CARMIL1: variants seen among roughly 807,000 people sequenced by gnomAD.
The protein encoded by CARMIL1 is capping protein regulator and myosin 1 linker 1.
Under a neutral mutation model 177.1 loss-of-function variants are expected in CARMIL1, and 90 were observed. The ratio of observed to expected loss-of-function variants is 0.51; its 90% CI spans 0.43 to 0.61. The LOEUF (loss-of-function observed/expected upper bound fraction) is 0.61, where lower values mean the gene tolerates loss of function less well. Ranked by LOEUF, CARMIL1 falls within the 20% of genes least tolerant of loss-of-function variation. The pLI, the probability that CARMIL1 is intolerant of heterozygous loss-of-function variation, is 0.00. For synonymous variants in CARMIL1, 577 were observed against 606.2 expected, an observed-to-expected ratio of 0.95 and a Z score of 0.71; for missense variants, 1,380 against 1,667.0, an observed-to-expected ratio of 0.83 and a Z score of 3.00.
chr6:25,581,318 G>T lies in CARMIL1; in HGVS notation c.2885G>T (p.Arg962Ile). ...GAAGACCCGCCCTTCCCATCCCTCA[G>T]ACAGGAGAAGCGGAGCTCGGGATTT... ...HIEDPPFPSLRQEKRSSGFIS... is the reference protein window; with the variant it reads ...HIEDPPFPSLIQEKRSSGFIS... The change falls in exon 31 of 37, where the codon AGA becomes ATA. Residue 962 changes from arginine to isoleucine, a missense_variant. By Grantham distance (97) the Arg-to-Ile change is moderately conservative (BLOSUM62 -3). Coordinates refer to ENST00000329474, the MANE Select transcript of CARMIL1 (RefSeq NM_017640.6). The T allele has an allele frequency of 6.2e-7, 1 of 1,613,878 alleles. No individual in the cohort carries two copies. The highest frequency in any genetic ancestry group is 8.5e-7 in the Non-Finnish European group (1 of 1,179,854).
At chr6:25,445,225 G>A (rs942737714) in intron 5 of CARMIL1, among the ~76,000 whole-genome samples, 3 of 152,082 alleles carry the variant, frequency 2.0e-5, no homozygotes, top group African/African-American at 4.8e-5. Context: ...AAGTTTTTTC[G>A]TGGATTACAA....
At chr6:25,481,047 G>A (rs1368447435) in intron 11 of CARMIL1, among the ~76,000 whole-genome samples, 1 of 150,528 alleles carries the variant, frequency 6.6e-6, no homozygotes, top group Non-Finnish European at 1.5e-5. Context: ...GATTAATCAA[G>A]TTTTAACAGT....
intron 15 of CARMIL1, among the ~76,000 whole-genome samples, chr6:25,492,981 T>C (rs1364266729): frequency 6.6e-6 from 1 of 152,170 alleles, no homozygotes; most frequent in Admixed American, 6.5e-5. Context: ...GTGGGAAAAG[T>C]TGAATTTTCC....
intron 2 of CARMIL1, among the ~76,000 whole-genome samples, chr6:25,375,983 T>C (rs187426404): frequency 1.4e-3 from 211 of 152,346 alleles, no homozygotes; most frequent in African/African-American, 4.9e-3. Context: ...CTTTATCTGG[T>C]ATTTCAAAGA....
chr6:25,327,017 T>A (rs964485191), intron 2 of CARMIL1, among the ~76,000 whole-genome samples: 2 of 152,128 alleles, frequency 1.3e-5, no homozygotes, highest in African/African-American at 4.8e-5. Flanking sequence ...AGATGTTGGC[T>A]GTTGATGGCA....
chr6:25,372,985 C>T (rs578185858), intron 2 of CARMIL1, among the ~76,000 whole-genome samples: 28 of 152,234 alleles, frequency 1.8e-4, no homozygotes, highest in Admixed American at 1.2e-3. Flanking sequence ...GCTTTTTCTG[C>T]ATCTATTAAG....
chr6:25,459,266 C>CTTTCTTTCTTTCTTTCTTCTTT, intron 8 of CARMIL1, among the ~76,000 whole-genome samples: 1 of 73,754 alleles, frequency 1.4e-5, no homozygotes, highest in Non-Finnish European at 2.9e-5. Context: ...TTCTTTCTTT[C>CTTTCTTTCTTTCTTTCTTCTTT]TTTTTTTTTT....
chr6:25,335,699 G>A (rs910024970), intron 2 of CARMIL1, among the ~76,000 whole-genome samples: 2 of 152,208 alleles, frequency 1.3e-5, no homozygotes, highest in Non-Finnish European at 2.9e-5. Flanking sequence ...TTCAGAGAAC[G>A]CAGCACCTGA....
At chr6:25,579,646 C>T (rs1812946751) in intron 29 of CARMIL1, among the ~76,000 whole-genome samples, 1 of 152,178 alleles carries the variant, frequency 6.6e-6, no homozygotes, top group Non-Finnish European at 1.5e-5. Context: ...AGCTTTTCCT[C>T]AGTTTGTCTG....
chr6:25,533,536 G>A (rs1245272474), intron 24 of CARMIL1, among the ~76,000 whole-genome samples: 2 of 151,828 alleles, frequency 1.3e-5, no homozygotes, highest in Middle Eastern at 3.2e-3. Flanking sequence ...GTTTTTTTTG[G>A]CTGTTATTTT....
At chr6:25,505,940 G>A (rs1278903318) in intron 17 of CARMIL1, among the ~76,000 whole-genome samples, 2 of 152,156 alleles carry the variant, frequency 1.3e-5, no homozygotes, top group Non-Finnish European at 2.9e-5. Flanking sequence ...GCCTGGGTGT[G>A]GGAGTTAGTT....
In CARMIL1 at chr6:25,577,401, T is replaced by G. The variant is rs1812696660; in HGVS notation, c.2743-3523T>G. ...TAGAAAATCGACATTATGATTTGCT[T>G]CTTATATTAGGAGAACTTTCCTAAT... On this transcript the variant is annotated intron_variant, in intron 29 of 36. Coordinates refer to ENST00000329474, the MANE Select transcript of CARMIL1 (RefSeq NM_017640.6). The surrounding 1 kb of genome is among the most constrained non-coding windows in gnomAD (Gnocchi z 4.5). Among the ~76,000 whole-genome samples the G allele has an allele frequency of 6.6e-6, 1 of 152,138 alleles. No homozygotes were observed. Among genetic ancestry groups the G allele is most frequent in the Non-Finnish European group, 1.5e-5 (1 of 68,012 alleles).
At chr6:25,308,868 C>T (rs1282001054) in intron 2 of CARMIL1, among the ~76,000 whole-genome samples, 2 of 152,168 alleles carry the variant, frequency 1.3e-5, no homozygotes, top group Admixed American at 6.5e-5. Flanking sequence ...GGAAGCTTTA[C>T]ATGACTGAGA....
intron 2 of CARMIL1, among the ~76,000 whole-genome samples, chr6:25,324,518 T>A (rs1157629529): frequency 6.6e-6 from 1 of 152,158 alleles, no homozygotes; most frequent in Non-Finnish European, 1.5e-5. Flanking sequence ...GGCACAGCAA[T>A]CCTAAGAATG....
chr6:25,458,599 G>A (rs982543638), intron 8 of CARMIL1, among the ~76,000 whole-genome samples: 1 of 151,728 alleles, frequency 6.6e-6, no homozygotes, highest in Non-Finnish European at 1.5e-5. Flanking sequence ...TACCATCCTG[G>A]TATATCCTCT....
intron 13 of CARMIL1, among the ~76,000 whole-genome samples, chr6:25,489,594 G>A (rs192739371): frequency 3.4e-4 from 52 of 152,212 alleles, no homozygotes; most frequent in Non-Finnish European, 4.7e-4. Context: ...TACACCCAGC[G>A]GCCATCTTTG....
At chr6:25,530,317 C>A (rs1327390474) in intron 24 of CARMIL1, among the ~76,000 whole-genome samples, 2 of 152,052 alleles carry the variant, frequency 1.3e-5, no homozygotes, top group Non-Finnish European at 2.9e-5. Context: ...TCAGACCAGG[C>A]TGGCCAAGGT....
At chr6:25,586,710 C>T (rs534863469) in intron 31 of CARMIL1, among the ~76,000 whole-genome samples, 1 of 152,142 alleles carries the variant, frequency 6.6e-6, no homozygotes, top group Non-Finnish European at 1.5e-5. Flanking sequence ...CCCGGCACCT[C>T]GGGAGGCCGA....
chr6:25,505,783 T>C (rs541852481), intron 17 of CARMIL1, among the ~76,000 whole-genome samples: 1 of 152,302 alleles, frequency 6.6e-6, no homozygotes, highest in African/African-American at 2.4e-5. Context: ...AAAAATCTTA[T>C]AACTTCATAG....
Sources: gnomAD v4.1 joint callset for allele counts (sites outside exome capture counted in the v4.1 genomes callset) on GRCh38, gnomAD v4.1.1 for gene constraint, Gnocchi (gnomAD v3.1) non-coding constraint, MANE v1.5 for transcripts, NCBI Gene and HGNC (gene_info 2026-07-23, HGNC 2026-07-21) for gene names.